TC2N: variants seen among roughly 807,000 people sequenced by gnomAD.
TC2N encodes tandem C2 domains nuclear protein.
A neutral mutation model predicts 61.9 loss-of-function variants in TC2N; 51 were observed. The observed-to-expected ratio is 0.82, with a 90% CI of 0.66 to 1.04. The LOEUF is 1.04. Among genes scored for constraint, TC2N ranks in the 50% least tolerant of loss-of-function variants. The pLI is 0.00. For synonymous variants in TC2N, 204 were observed against 192.6 expected (o/e 1.06, Z -0.49); for missense variants, 556 against 566.7 (o/e 0.98, Z 0.19).
chr14:91,863,824 C>T (rs1182287684), intron 1 of TC2N, among the ~76,000 whole-genome samples: 1 of 121,762 alleles, frequency 8.2e-6, no homozygotes, highest in Admixed American at 9.3e-5. Flanking sequence ...CAGACTCCAT[C>T]TCTACAAAAA....
At chr14:91,858,152 C>CTTCTT (rs1555373188) in intron 1 of TC2N, among the ~76,000 whole-genome samples, 26,356 of 92,712 alleles carry the variant, frequency 0.28, 4,327 homozygotes, top group Non-Finnish European at 0.36. Context: ...TCTTCTTCTT[C>CTTCTT]TTTTTTTTTT....
chr14:91,848,563 T>C (rs1888313478), intron 1 of TC2N, among the ~76,000 whole-genome samples: 1 of 152,244 alleles, frequency 6.6e-6, no homozygotes. Context: ...GGTAACTTTA[T>C]TCCAATTTCT....
At chr14:91,836,411 G>T (rs1458814658) in intron 1 of TC2N, 1 of 152,174 alleles carries the variant, frequency 6.6e-6, no homozygotes. Flanking sequence ...CCGCCTGCGG[G>T]AACTGTGACT....
chr14:91,799,211 T>C, intron 5 of TC2N, 147 bp from the exon 6 acceptor site: 1 of 455,442 alleles, frequency 2.2e-6, no homozygotes, highest in Non-Finnish European at 3.7e-6. Flanking sequence ...TTACAGGTAG[T>C]GGAAAAAAAA....
intron 3 of TC2N, among the ~76,000 whole-genome samples, chr14:91,807,185 G>C (rs1237248827): frequency 1.3e-5 from 2 of 152,224 alleles, no homozygotes; most frequent in Non-Finnish European, 2.9e-5. Context: ...TTGCTGCAGA[G>C]GTGGGGCCCT....
chr14:91,828,270 T>C (rs1018028128), intron 1 of TC2N, among the ~76,000 whole-genome samples: 1 of 152,114 alleles, frequency 6.6e-6, no homozygotes, highest in Admixed American at 6.5e-5. Flanking sequence ...ACACATTATC[T>C]AGCTTTAATT....
chr14:91,860,226 C>G (rs1888562923), intron 1 of TC2N, among the ~76,000 whole-genome samples: 1 of 151,788 alleles, frequency 6.6e-6, no homozygotes, highest in Admixed American at 6.6e-5. Context: ...CTCACCACAG[C>G]TTCCCATAGC....
intron 1 of TC2N, among the ~76,000 whole-genome samples, chr14:91,851,447 G>A (rs1888374505): frequency 6.6e-6 from 1 of 152,182 alleles, no homozygotes; most frequent in South Asian, 2.1e-4. Context: ...GGTCTAAATA[G>A]AGTGTCAAGG....
At position 91,785,356 on chromosome 14, in the gene TC2N, A is replaced by G; in HGVS notation, c.1168T>C (p.Phe390Leu). Residue 390 changes from phenylalanine (F) to leucine (L), a missense_variant, in exon 11 of 12, where the codon TTC becomes CTC. Physicochemically the swap from Phe to Leu is conservative, Grantham distance 22 (BLOSUM62 0). Transcript: ENST00000435962. ...GAGCTAAACATTCCCACCTTCACGA[A>G]AAAACCTAAAAAATTAGAAATATTG... ...SSSTPLTLSF[F>L]VKVGMFSSGE... 1.2e-6 allele frequency: 2 copies of G among 1,611,910 alleles called. No individual in the cohort carries two copies. Among genetic ancestry groups the G allele is most frequent in the Non-Finnish European group, 8.5e-7 (1 of 1,178,866 alleles).
intron 11 of TC2N, among the ~76,000 whole-genome samples, chr14:91,783,764 G>T (rs1378380688): frequency 6.6e-6 from 1 of 151,934 alleles, no homozygotes; most frequent in Non-Finnish European, 1.5e-5. Flanking sequence ...TATGCAAATT[G>T]TACAAAAGAC....
chr14:91,799,935 A>G (rs1364369075), intron 5 of TC2N, among the ~76,000 whole-genome samples: 2 of 152,130 alleles, frequency 1.3e-5, no homozygotes, highest in African/African-American at 4.8e-5. Flanking sequence ...ATCTCAAAAG[A>G]AATATAATTT....
At chr14:91,865,305 C>T (rs1888673945) in intron 1 of TC2N, among the ~76,000 whole-genome samples, 1 of 132,900 alleles carries the variant, frequency 7.5e-6, no homozygotes, top group Admixed American at 7.7e-5. Context: ...GGCTTTCATC[C>T]CCGCAAAAGC....
At chr14:91,842,525 T>A (rs1888182503) in intron 1 of TC2N, among the ~76,000 whole-genome samples, 1 of 152,226 alleles carries the variant, frequency 6.6e-6, no homozygotes, top group Non-Finnish European at 1.5e-5. Flanking sequence ...GGAAGTTTGG[T>A]CAGGCTCACC....
At chr14:91,825,893 G>T (rs9783647) in intron 1 of TC2N, among the ~76,000 whole-genome samples, 1 of 152,074 alleles carries the variant, frequency 6.6e-6, no homozygotes, top group South Asian at 2.1e-4. Context: ...TGTGATCAGA[G>T]AAATTGTATA....
intron 9 of TC2N, among the ~76,000 whole-genome samples, chr14:91,790,289 C>T (rs1453411154): frequency 6.6e-6 from 1 of 152,150 alleles, no homozygotes; most frequent in Non-Finnish European, 1.5e-5. Flanking sequence ...TGAGTAAAAA[C>T]CCGAAAGTTG....
chr14:91,836,577 A>AGCCGAGGCAAGGCGGGGAGG (rs1555372134), intron 1 of TC2N: 1 of 80,738 alleles, frequency 1.2e-5, no homozygotes, highest in Non-Finnish European at 2.8e-5. Context: ...CTAAGGGGCG[A>AGCCGAGGCAAGGCGGGGAGG]GGCGAGGCAA....
intron 1 of TC2N, among the ~76,000 whole-genome samples, chr14:91,832,582 G>A (rs1347008078): frequency 6.6e-6 from 1 of 152,036 alleles, no homozygotes; most frequent in East Asian, 1.9e-4. Flanking sequence ...AGGTAATTAC[G>A]AATGTAGAAG....
intron 10 of TC2N, 88 bp from the exon 11 acceptor site, chr14:91,785,449 T>C: frequency 1.1e-6 from 1 of 869,636 alleles, no homozygotes; most frequent in Non-Finnish European, 1.8e-6. Flanking sequence ...GGAATATATA[T>C]ATATAACATT....
intron 1 of TC2N, among the ~76,000 whole-genome samples, chr14:91,865,732 A>C (rs1888686901): frequency 6.6e-6 from 1 of 152,206 alleles, no homozygotes; most frequent in African/African-American, 2.4e-5. Flanking sequence ...ATAAATTTTC[A>C]TAAGAATTTT....
Sources: gnomAD v4.1 joint callset for allele counts (sites outside exome capture counted in the v4.1 genomes callset) on GRCh38, gnomAD v4.1.1 for gene constraint, MANE v1.5 for transcripts, NCBI Gene and HGNC (gene_info 2026-07-23, HGNC 2026-07-21) for gene names.